Variants in MCTP2 observed in about 807,000 individuals in gnomAD.
MCTP2 encodes the protein multiple C2 and transmembrane domain-containing protein 2.
In MCTP2, 132 loss-of-function variants were observed where a neutral mutation model predicts 111.6. That is an observed-to-expected ratio of 1.18 (90% CI 1.03 to 1.37). MCTP2 has a LOEUF of 1.37. Ranked by LOEUF, MCTP2 falls within the 40% of genes most tolerant of loss-of-function variation. MCTP2 has a pLI of 0.00. For synonymous variants in MCTP2, 395 were observed against 387.7 expected, an observed-to-expected ratio of 1.02 and a Z score of -0.22; for missense variants, 1,183 against 1,067.9, an observed-to-expected ratio of 1.11 and a Z score of -1.50.
At chr15:94,360,436 C>A (rs2078868343) in intron 10 of MCTP2, among the ~76,000 whole-genome samples, 1 of 152,138 alleles carries the variant, frequency 6.6e-6, no homozygotes, top group Non-Finnish European at 1.5e-5. Flanking sequence ...TGTGATATAC[C>A]AGGACCCTGC....
chr15:94,380,241 T>A (rs898173677), intron 12 of MCTP2, among the ~76,000 whole-genome samples: 1 of 152,122 alleles, frequency 6.6e-6, no homozygotes, highest in Admixed American at 6.5e-5. Flanking sequence ...AGTGGAAATT[T>A]ACAAATGTGG....
At chr15:94,305,217 C>T (rs965887938) in intron 2 of MCTP2, among the ~76,000 whole-genome samples, 4 of 152,094 alleles carry the variant, frequency 2.6e-5, no homozygotes, top group Non-Finnish European at 5.9e-5. Flanking sequence ...GAAAGAGACA[C>T]CAGAGGTCTC....
chr15:94,283,883 C>T (rs1395303379), intron 1 of MCTP2, among the ~76,000 whole-genome samples: 1 of 152,144 alleles, frequency 6.6e-6, no homozygotes, highest in African/African-American at 2.4e-5. Context: ...ACATTGAACT[C>T]ACCAAATTTT....
At chr15:94,459,927 C>G (rs111440910) in intron 20 of MCTP2, among the ~76,000 whole-genome samples, 5 of 152,188 alleles carry the variant, frequency 3.3e-5, no homozygotes, top group African/African-American at 1.2e-4. Flanking sequence ...TCAAACCACC[C>G]TATAAAGTAA....
At chr15:94,255,391 G>A (rs1187709148) in intron 1 of MCTP2, among the ~76,000 whole-genome samples, 5 of 152,156 alleles carry the variant, frequency 3.3e-5, no homozygotes, top group Non-Finnish European at 7.3e-5. Context: ...GTTTTATTCT[G>A]TGTAAATGAG....
intron 20 of MCTP2, among the ~76,000 whole-genome samples, chr15:94,459,308 C>T (rs983032421): frequency 1.3e-5 from 2 of 152,026 alleles, no homozygotes; most frequent in African/African-American, 4.8e-5. Context: ...AAGCCTTATG[C>T]ATTAAAATGC....
intron 12 of MCTP2, among the ~76,000 whole-genome samples, chr15:94,381,247 T>TA: frequency 6.6e-6 from 1 of 152,242 alleles, no homozygotes; most frequent in Non-Finnish European, 1.5e-5. Flanking sequence ...TGAAACTTTT[T>TA]AAGAGAAATC....
At chr15:94,432,058 A>G (rs1325273786) in intron 17 of MCTP2, among the ~76,000 whole-genome samples, 3 of 152,182 alleles carry the variant, frequency 2.0e-5, no homozygotes, top group Non-Finnish European at 4.4e-5. Flanking sequence ...TATTCATACA[A>G]AATCATTAGA....
chr15:94,401,722 T>G (rs1345564050), intron 16 of MCTP2, among the ~76,000 whole-genome samples, 178 bp from the exon 17 acceptor site: 1 of 152,258 alleles, frequency 6.6e-6, no homozygotes, highest in African/African-American at 2.4e-5. Context: ...ATTTCCTCTA[T>G]GGATGATCAT....
At chr15:94,412,901 T>C (rs1480340883) in intron 17 of MCTP2, among the ~76,000 whole-genome samples, 1 of 152,154 alleles carries the variant, frequency 6.6e-6, no homozygotes, top group Admixed American at 6.6e-5. Context: ...ATAGTGTGTT[T>C]AGCTGTGAAA....
intron 17 of MCTP2, chr15:94,402,814 G>C: frequency 7.4e-7 from 1 of 1,354,462 alleles, no homozygotes; most frequent in East Asian, 2.8e-5. Flanking sequence ...TCTGTCCTGT[G>C]CAAAGATCAC....
intron 19 of MCTP2, among the ~76,000 whole-genome samples, chr15:94,450,968 C>G (rs963304958): frequency 6.6e-6 from 1 of 152,278 alleles, no homozygotes; most frequent in South Asian, 2.1e-4. Flanking sequence ...GCCTGAGGCT[C>G]GAAGCTAGTT....
chr15:94,302,554 C>T (rs911406869), intron 2 of MCTP2, among the ~76,000 whole-genome samples: 10 of 152,298 alleles, frequency 6.6e-5, no homozygotes, highest in Admixed American at 4.6e-4. Flanking sequence ...AGGATACATC[C>T]GTGGAAGAGG....
intron 1 of MCTP2, among the ~76,000 whole-genome samples, chr15:94,275,884 GT>G (rs1484707661): frequency 7.5e-6 from 1 of 133,302 alleles, no homozygotes; most frequent in Non-Finnish European, 1.5e-5. Context: ...GTCTCGCTCT[GT>G]TTCCCAGGCT....
chr15:94,302,495 G>A (rs989868699), intron 2 of MCTP2, among the ~76,000 whole-genome samples: 4 of 152,208 alleles, frequency 2.6e-5, no homozygotes, highest in Admixed American at 2.6e-4. Flanking sequence ...TATTGCAAAT[G>A]CCAAATCCAG....
intron 21 of MCTP2, 178 bp from the exon 22 acceptor site, chr15:94,476,518 C>T (rs1421964418): frequency 1.3e-5 from 6 of 474,766 alleles, no homozygotes; most frequent in South Asian, 2.6e-5. Context: ...ATTGTTTTCA[C>T]ACTAATTTTT....
chr15:94,274,078 A>G (rs891914853), intron 1 of MCTP2: 2 of 171,812 alleles, frequency 1.2e-5, no homozygotes, highest in Admixed American at 6.4e-5. Flanking sequence ...GAGCTTATCA[A>G]AATGTCTCTG....
chr15:94,245,402 GTATATATTTATATACATGTGTGTA>G (rs1437531556), intron 1 of MCTP2, among the ~76,000 whole-genome samples: 61 of 50,840 alleles, frequency 1.2e-3, no homozygotes, highest in African/African-American at 3.7e-3. Context: ...ATACATGTGT[GTATATATTTATATACATGTGTGTA>G]TATATTTATA....
intron 20 of MCTP2, among the ~76,000 whole-genome samples, chr15:94,459,957 T>G (rs2085081064): frequency 6.6e-6 from 1 of 152,178 alleles, no homozygotes; most frequent in South Asian, 2.1e-4. Flanking sequence ...ATATCCTCAT[T>G]TTACAGATGA....
Sources: allele counts gnomAD v4.1 joint callset (sites outside exome capture counted in the v4.1 genomes callset), GRCh38; gene constraint gnomAD v4.1.1; transcripts MANE v1.5; gene names NCBI Gene and HGNC (gene_info 2026-07-23, HGNC 2026-07-21).